The following TRIQK variants were observed in gnomAD, a reference collection of about 807,000 sequenced individuals.
TRIQK encodes the protein triple QxxK/R motif-containing protein.
TRIQK carries 10 observed loss-of-function variants against 10.8 expected under a neutral mutation model. That is an observed-to-expected ratio of 0.92 (90% CI 0.57 to 1.57). TRIQK has a LOEUF of 1.57. Ranked by LOEUF, TRIQK falls within the 40% of genes most tolerant of loss-of-function variation. The probability of loss-of-function intolerance (pLI) is 0.00; values close to 1 mark genes in which losing one functional copy is unlikely to be tolerated. For missense variants in TRIQK, 107 were observed against 97.7 expected (o/e 1.09, Z -0.40); for synonymous variants, 33 against 33.7 (o/e 0.98, Z 0.07).
chr8:92,947,587 G>A (rs1385344522), intron 2 of TRIQK, among the ~76,000 whole-genome samples: 9 of 61,428 alleles, frequency 1.5e-4, no homozygotes, highest in Admixed American at 2.4e-4. Flanking sequence ...TCCGCCTCAG[G>A]AAAAAAAAAA....
chr8:93,011,160 G>A (rs1001408445), intron 1 of TRIQK, among the ~76,000 whole-genome samples: 3 of 147,966 alleles, frequency 2.0e-5, no homozygotes, highest in African/African-American at 7.6e-5. Context: ...GTATGAATGT[G>A]TGTGTGTATA....
rs577411180 is a variant in TRIQK, at chr8:92,926,037, G to A, written c.-21-9027C>T. The stretch of plus-strand genomic sequence containing the variant: ...AGAGCTTGCAGTGAGCCAAGATCGC[G>A]CCACTGCACTCCAGCTGGGGAACAG... On this transcript the variant is annotated intron_variant, in intron 2 of 4. Coordinates refer to ENST00000521988, the MANE Select transcript of TRIQK (RefSeq NM_001171797.2). Among the ~76,000 whole-genome samples, 14 of 151,842 alleles carry A rather than the reference G, an allele frequency of 9.2e-5. No individual in the cohort carries two copies. The South Asian group carries it at 2.3e-3, about 25-fold the overall frequency.
intron 1 of TRIQK, among the ~76,000 whole-genome samples, chr8:92,981,710 T>C (rs563538905): frequency 6.6e-6 from 1 of 152,018 alleles, no homozygotes; most frequent in African/African-American, 2.4e-5. Context: ...TACTGGCTTA[T>C]TTGTTTTCAT....
chr8:92,990,717 C>T lies in TRIQK; in HGVS notation c.-181+26892G>A, dbSNP rs146230369. Reference sequence around the variant, plus strand: ...CTGTGCCATGAAGGATGGTGCACTCCGGCCCCAGGTAGTATGCTTTTCCCA... The same window carrying T: ...CTGTGCCATGAAGGATGGTGCACTCTGGCCCCAGGTAGTATGCTTTTCCCA... On this transcript the variant is annotated intron_variant, in intron 1 of 4. Transcript: ENST00000520686. 2.0e-4 allele frequency among the ~76,000 whole-genome samples: 30 copies of T among 152,260 alleles called. No individual in the cohort carries two copies. In the East Asian group the frequency reaches 4.1e-3, roughly 21 times the overall value.
At chr8:93,006,879 AG>A (rs1813278517) in intron 1 of TRIQK, among the ~76,000 whole-genome samples, 1 of 152,148 alleles carries the variant, frequency 6.6e-6, no homozygotes, top group Non-Finnish European at 1.5e-5. Flanking sequence ...CCCTAGCAGC[AG>A]GGGTGGCCAC....
chr8:92,945,310 T>C (rs1323710593), intron 2 of TRIQK, among the ~76,000 whole-genome samples: 1 of 152,148 alleles, frequency 6.6e-6, no homozygotes, highest in Admixed American at 6.5e-5. Context: ...TACAGCAATA[T>C]CTACACCCTG....
intron 1 of TRIQK, among the ~76,000 whole-genome samples, chr8:92,997,583 T>C (rs1332905269): frequency 6.6e-6 from 1 of 152,064 alleles, no homozygotes; most frequent in Non-Finnish European, 1.5e-5. Context: ...TACTCGTAGA[T>C]TTTGAAACAT....
chr8:92,961,587 T>A (rs1181553611), intron 1 of TRIQK, among the ~76,000 whole-genome samples: 1 of 152,234 alleles, frequency 6.6e-6, no homozygotes, highest in East Asian at 1.9e-4. Flanking sequence ...AGTCTAAAAC[T>A]TTCAATACAG....
intron 3 of TRIQK, among the ~76,000 whole-genome samples, chr8:92,912,976 C>T (rs560114143): frequency 1.3e-5 from 2 of 152,114 alleles, no homozygotes; most frequent in African/African-American, 4.8e-5. Context: ...CCAGCATTAC[C>T]TTGATTTGAA....
intron 3 of TRIQK, among the ~76,000 whole-genome samples, chr8:92,898,030 A>G (rs1294606881): frequency 6.6e-6 from 1 of 152,018 alleles, no homozygotes; most frequent in African/African-American, 2.4e-5. Context: ...AAAAAATTCT[A>G]TGGGCATGTT....
chr8:92,950,440 A>G (rs1811835535), intron 2 of TRIQK, among the ~76,000 whole-genome samples: 1 of 152,194 alleles, frequency 6.6e-6, no homozygotes, highest in South Asian at 2.1e-4. Context: ...TAATCGTTGT[A>G]GGAATTTGCA....
At chr8:92,903,396 T>C (rs1469226610) in intron 3 of TRIQK, among the ~76,000 whole-genome samples, 1 of 151,902 alleles carries the variant, frequency 6.6e-6, no homozygotes, top group Non-Finnish European at 1.5e-5. Context: ...TACACGTGAA[T>C]ATACTATTGT....
At chr8:92,969,917 A>G (rs1230132790), upstream of TRIQK, among the ~76,000 whole-genome samples, 2 of 152,076 alleles carry the variant, frequency 1.3e-5, no homozygotes, top group Non-Finnish European at 2.9e-5. Flanking sequence ...AGCATGCATT[A>G]GTTATTTATC....
chr8:92,929,631 G>A (rs1810609701), intron 2 of TRIQK: 2 of 152,116 alleles, frequency 1.3e-5, no homozygotes, highest in Middle Eastern at 3.2e-3. Context: ...ATCATTGGGG[G>A]AGGGGTGTGC....
intron 1 of TRIQK, among the ~76,000 whole-genome samples, chr8:92,989,771 A>G (rs1046475535): frequency 2.0e-5 from 3 of 152,260 alleles, no homozygotes; most frequent in African/African-American, 7.2e-5. Flanking sequence ...TGGAAAAATT[A>G]TCTTCCACAA....
intron 2 of TRIQK, among the ~76,000 whole-genome samples, chr8:92,924,009 T>C (rs1810316732): frequency 6.6e-6 from 1 of 151,922 alleles, no homozygotes; most frequent in Non-Finnish European, 1.5e-5. Context: ...ACACAGGTTA[T>C]TAAAAAAAGT....
At chr8:92,903,245 C>T (rs1308363604) in intron 3 of TRIQK, among the ~76,000 whole-genome samples, 1 of 151,958 alleles carries the variant, frequency 6.6e-6, no homozygotes, top group Non-Finnish European at 1.5e-5. Flanking sequence ...GTTGACTTTG[C>T]TAGTTATTGT....
At chr8:92,964,876 G>C (rs1234585905) in intron 1 of TRIQK, 1 of 152,160 alleles carries the variant, frequency 6.6e-6, no homozygotes, top group East Asian at 1.9e-4. Context: ...AACCATGCCA[G>C]TTTCCTGACT....
At chr8:93,015,814 C>G (rs1193271104) in intron 1 of TRIQK, among the ~76,000 whole-genome samples, 1 of 151,672 alleles carries the variant, frequency 6.6e-6, no homozygotes, top group Non-Finnish European at 1.5e-5. Context: ...CAGAGTATTC[C>G]TCCTGGAAGC....
Sources: allele counts gnomAD v4.1 joint callset (sites outside exome capture counted in the v4.1 genomes callset), GRCh38; gene constraint gnomAD v4.1.1; transcripts MANE v1.5; gene names NCBI Gene and HGNC (gene_info 2026-07-23, HGNC 2026-07-21).